Variants in PACRG observed in about 807,000 individuals in gnomAD.
The protein encoded by PACRG is parkin coregulated.
Under a neutral mutation model 29.7 loss-of-function variants are expected in PACRG, and 29 were observed. That is an observed-to-expected ratio of 0.98 (90% CI 0.73 to 1.33). The LOEUF is 1.33. PACRG is among the 40% of genes most tolerant of loss of function. The pLI, the probability that PACRG is intolerant of heterozygous loss-of-function variation, is 0.00. For synonymous variants in PACRG, 116 were observed against 118.7 expected (o/e 0.98, Z 0.15); for missense variants, 279 against 316.2 (o/e 0.88, Z 0.89).
intron 1 of PACRG, among the ~76,000 whole-genome samples, chr6:162,754,656 TAA>T (rs1339219700): frequency 6.6e-6 from 1 of 152,146 alleles, no homozygotes; most frequent in Non-Finnish European, 1.5e-5. Context: ...ACATATGATA[TAA>T]GAGCCTAATT....
intron 3 of PACRG, among the ~76,000 whole-genome samples, chr6:163,076,661 C>T (rs998815320): frequency 6.6e-6 from 1 of 152,184 alleles, no homozygotes; most frequent in African/African-American, 2.4e-5. Context: ...CTAGCCAAAC[C>T]GATTGTGCCG....
intron 4 of PACRG, among the ~76,000 whole-genome samples, chr6:163,197,604 C>T (rs894201576): frequency 4.6e-5 from 6 of 131,726 alleles, no homozygotes; most frequent in South Asian, 4.8e-4. Context: ...CCACCACGCC[C>T]GGCTAATTTT....
At position 163,202,950 on chromosome 6, in the gene PACRG, C is replaced by T. The variant is rs574204221; in HGVS notation, c.614-111877C>T. Among the ~76,000 whole-genome samples, 9 of 152,168 alleles carry T rather than the reference C, an allele frequency of 5.9e-5. No homozygotes were observed. In the South Asian group the frequency reaches 1.9e-3, roughly 32 times the overall value. On this transcript the variant is annotated intron_variant, in intron 4 of 4. Coordinates refer to ENST00000366888, the MANE Select transcript of PACRG (RefSeq NM_001080379.2). ...ATTGATAGACTGTGGAGTGCGTTCTCCAAAAACAAGTTTTAGAGGAGCCAC... is the reference window on the plus strand; with the variant it reads ...ATTGATAGACTGTGGAGTGCGTTCTTCAAAAACAAGTTTTAGAGGAGCCAC...
Position 162,807,751 on chromosome 6 carries a change from C to T in PACRG, c.157-6396C>T, listed in dbSNP as rs560037845. ...CATGATGCAGAGACATGAAGTGAGC[C>T]GATGCTGTTGGAAAAATGGCACTGA... On this transcript the variant is annotated intron_variant, in intron 1 of 4. Coordinates refer to ENST00000366888, the MANE Select transcript of PACRG (RefSeq NM_001080379.2). 8.5e-5 allele frequency among the ~76,000 whole-genome samples: 13 copies of T among 152,074 alleles called. No homozygotes were observed. In the South Asian group the frequency reaches 2.1e-3, roughly 24 times the overall value.
intron 2 of PACRG, among the ~76,000 whole-genome samples, chr6:162,899,925 A>C (rs1283492955): frequency 6.6e-6 from 1 of 151,712 alleles, no homozygotes. Context: ...GAAGGCCAGG[A>C]CTCCTGGCTT....
intron 2 of PACRG, among the ~76,000 whole-genome samples, chr6:162,828,456 C>A (rs1788467043): frequency 6.6e-6 from 1 of 152,192 alleles, no homozygotes; most frequent in Non-Finnish European, 1.5e-5. Context: ...CTAGGCATTA[C>A]CTGAGTACTT....
intron 4 of PACRG, among the ~76,000 whole-genome samples, chr6:163,098,507 C>T (rs1814803361): frequency 6.6e-6 from 1 of 152,216 alleles, no homozygotes; most frequent in Non-Finnish European, 1.5e-5. Context: ...TGTCCCTCCT[C>T]ACCAGGCGGG....
chr6:162,746,056 T>G (rs1780965034), intron 1 of PACRG, among the ~76,000 whole-genome samples: 3 of 152,120 alleles, frequency 2.0e-5, no homozygotes, highest in Admixed American at 6.6e-5. Flanking sequence ...TATAAAAAAA[T>G]TATGTAATAA....
intron 4 of PACRG, among the ~76,000 whole-genome samples, chr6:163,271,493 A>T (rs1260885551): frequency 6.6e-6 from 1 of 152,126 alleles, no homozygotes; most frequent in African/African-American, 2.4e-5. Flanking sequence ...ACTTGCCTAG[A>T]TCTTTTGTGA....
At chr6:163,235,345 G>A (rs557078815) in intron 4 of PACRG, among the ~76,000 whole-genome samples, 3 of 152,220 alleles carry the variant, frequency 2.0e-5, no homozygotes, top group African/African-American at 7.2e-5. Context: ...GGAGACACAG[G>A]CTCCATTAAA....
At chr6:162,894,430 A>G (rs1013371531) in intron 2 of PACRG, among the ~76,000 whole-genome samples, 1 of 152,224 alleles carries the variant, frequency 6.6e-6, no homozygotes, top group Admixed American at 6.5e-5. Flanking sequence ...TGATCATTGT[A>G]TCATTATTTG....
intron 2 of PACRG, among the ~76,000 whole-genome samples, chr6:162,904,419 C>T (rs1481138298): frequency 1.3e-5 from 2 of 152,148 alleles, no homozygotes; most frequent in African/African-American, 4.8e-5. Context: ...GGTTGAAGGG[C>T]CTGCTAGAGA....
rs1003907918 is a variant in PACRG, at chr6:162,903,362, G to A, written c.291+89081G>A. ...ACCCAAGTTTTTAATATTGGGGAATGTATTAGTCTGTTTTCACGCTGCTGA... is the reference window on the plus strand; with the variant it reads ...ACCCAAGTTTTTAATATTGGGGAATATATTAGTCTGTTTTCACGCTGCTGA... On this transcript the variant is annotated intron_variant, in intron 2 of 4. Transcript: ENST00000366888. Among the ~76,000 whole-genome samples the A allele has an allele frequency of 2.0e-5, 3 of 152,110 alleles. 1 individual carries two copies. The highest frequency in any genetic ancestry group is 6.6e-5 in the Admixed American group (1 of 15,266).
intron 2 of PACRG, among the ~76,000 whole-genome samples, chr6:162,900,274 G>A (rs911332857): frequency 6.6e-6 from 1 of 152,222 alleles, no homozygotes; most frequent in African/African-American, 2.4e-5. Context: ...AGAGGCCGAC[G>A]TTCCCTCGCC....
At chr6:163,299,499 C>T (rs1418190550) in intron 4 of PACRG, among the ~76,000 whole-genome samples, 2 of 152,278 alleles carry the variant, frequency 1.3e-5, no homozygotes, top group Admixed American at 1.3e-4. Context: ...GGAAGGTTGC[C>T]TGTCCCTCAG....
chr6:163,227,250 A>G (rs1781843384), intron 4 of PACRG, among the ~76,000 whole-genome samples: 1 of 152,166 alleles, frequency 6.6e-6, no homozygotes. Flanking sequence ...GAGCACGCAC[A>G]TCACAAGATG....
chr6:162,761,909 C>G (rs1782388854), intron 1 of PACRG, among the ~76,000 whole-genome samples: 1 of 138,080 alleles, frequency 7.2e-6, no homozygotes. Context: ...TGCACTCCAG[C>G]CTGGTGACAC....
At chr6:162,859,932 G>A (rs947537935) in intron 2 of PACRG, among the ~76,000 whole-genome samples, 7 of 151,910 alleles carry the variant, frequency 4.6e-5, no homozygotes, top group Admixed American at 2.6e-4. Context: ...TTGTTAATCC[G>A]CCTTCTGTTA....
intron 1 of PACRG, among the ~76,000 whole-genome samples, chr6:162,746,111 CCTTA>C: frequency 6.6e-6 from 1 of 152,106 alleles, no homozygotes; most frequent in South Asian, 2.1e-4. Flanking sequence ...TGGCTAACTA[CCTTA>C]CTTTTGTGGT....
Sources: allele counts gnomAD v4.1 joint callset (sites outside exome capture counted in the v4.1 genomes callset), GRCh38; gene constraint gnomAD v4.1.1; transcripts MANE v1.5; gene names NCBI Gene and HGNC (gene_info 2026-07-23, HGNC 2026-07-21).